The following TAB2 variants were observed in gnomAD, a reference collection of about 807,000 sequenced individuals.
The protein encoded by TAB2 is TGF-beta activated kinase 1 (MAP3K7) binding protein 2, also known as TGF-beta-activated kinase 1 and MAP3K7-binding protein 2.
Under a neutral mutation model 65.0 loss-of-function variants are expected in TAB2, and 3 were observed. The ratio of observed to expected loss-of-function variants is 0.05; its 90% CI spans 0.02 to 0.12. The LOEUF (loss-of-function observed/expected upper bound fraction) is 0.12. Ranked by LOEUF, TAB2 falls within the 10% of genes least tolerant of loss-of-function variation. TAB2 has a pLI of 1.00. For missense variants in TAB2, 623 were observed against 840.3 expected, an observed-to-expected ratio of 0.74 and a Z score of 3.20; for synonymous variants, 298 against 285.1, an observed-to-expected ratio of 1.05 and a Z score of -0.46.
At position 149,319,732 on chromosome 6, in the gene TAB2, AGT is replaced by A. The variant is rs530481068; in HGVS notation, c.-90+1718_-90+1719del. On this transcript the variant is annotated intron_variant, in intron 1 of 6. Coordinates refer to ENST00000637181, the MANE Select transcript of TAB2 (RefSeq NM_001292034.3). Reference sequence around the variant, plus strand: ...TGAATACGTCAATTATAGATGAATAAGTTATCCCCTGAATATACTCCATTATT... The same window carrying A: ...TGAATACGTCAATTATAGATGAATAATATCCCCTGAATATACTCCATTATT... 1.4e-3 allele frequency among the ~76,000 whole-genome samples: 207 copies of A among 152,368 alleles called. 2 individuals are homozygous for A. Among genetic ancestry groups the A allele is most frequent in the African/African-American group, 4.8e-3 (200 of 41,584 alleles).
At chr6:149,237,385 A>G (rs1014648152) in intron 1 of TAB2, among the ~76,000 whole-genome samples, 2 of 152,134 alleles carry the variant, frequency 1.3e-5, no homozygotes, top group Non-Finnish European at 2.9e-5. Context: ...GTCCCTGAAG[A>G]TGCAATGTGG....
At chr6:149,339,590 TTTATTTATTTATTTA>T (rs779476719) in intron 1 of TAB2, among the ~76,000 whole-genome samples, 1 of 13,208 alleles carries the variant, frequency 7.6e-5, no homozygotes. Context: ...ATCTTTTTTA[TTTATTTATTTATTTA>T]TTTTTTTTTT....
chr6:149,400,261 A>T, intron 6 of TAB2: 2 of 973,160 alleles, frequency 2.1e-6, no homozygotes, highest in Middle Eastern at 3.4e-4. Flanking sequence ...GGAGCCCAGG[A>T]TGTGCACGCA....
intron 1 of TAB2, among the ~76,000 whole-genome samples, chr6:149,299,831 C>CAT (rs1778939822): frequency 2.1e-5 from 3 of 144,952 alleles, no homozygotes; most frequent in African/African-American, 8.2e-5. Context: ...CAACATAGCA[C>CAT]AGTTCTACAA....
At chr6:149,227,181 G>A (rs943573219) in intron 1 of TAB2, among the ~76,000 whole-genome samples, 5 of 152,044 alleles carry the variant, frequency 3.3e-5, no homozygotes, top group Admixed American at 6.6e-5. Context: ...TTCTTTCCTG[G>A]TTATATGAAT....
chr6:149,250,734 A>AT (rs1299020825), intron 1 of TAB2, among the ~76,000 whole-genome samples: 1 of 152,146 alleles, frequency 6.6e-6, no homozygotes, highest in African/African-American at 2.4e-5. Flanking sequence ...CACACCGGCT[A>AT]TTTTTTACCA....
rs940518833 is a variant in TAB2, at chr6:149,404,309, C to T, written c.1939+5125C>T. On this transcript the variant is annotated intron_variant, in intron 6 of 6. Coordinates refer to ENST00000637181, the MANE Select transcript of TAB2 (RefSeq NM_001292034.3). ...TAAAGAAGACACAGATAAATAGAAA[C>T]GTAGCCTGTGTTTATGGATTGGAAG... 3.3e-5 allele frequency among the ~76,000 whole-genome samples: 5 copies of T among 152,058 alleles called. No homozygotes were observed. The East Asian group carries it at 5.8e-4, about 18-fold the overall frequency.
intron 1 of TAB2, among the ~76,000 whole-genome samples, chr6:149,274,153 C>T (rs1424101038): frequency 6.6e-6 from 1 of 152,200 alleles, no homozygotes; most frequent in Non-Finnish European, 1.5e-5. Flanking sequence ...GGCCCAGAAC[C>T]ATCAATTTTC....
intron 1 of TAB2, among the ~76,000 whole-genome samples, chr6:149,254,015 AAAG>A (rs1250420211): frequency 2.1e-5 from 3 of 144,386 alleles, no homozygotes; most frequent in Middle Eastern, 3.6e-3. Context: ...AGAAAGAAAG[AAAG>A]AAAGAAAAGA....
At chr6:149,371,438 G>C (rs1583133232) in intron 2 of TAB2, among the ~76,000 whole-genome samples, 1 of 152,244 alleles carries the variant, frequency 6.6e-6, no homozygotes, top group East Asian at 1.9e-4. Flanking sequence ...AGTCCTTCCT[G>C]TTCATACCCT....
rs768728365 is a variant in TAB2, at chr6:149,378,083, T to C, written c.168T>C (p.Gly56=). The C allele has an allele frequency of 7.4e-6, 12 of 1,614,044 alleles. No individual in the cohort carries two copies. The African/African-American group carries it at 1.5e-4, about 20-fold the overall frequency. The change falls in exon 3 of 7, where the codon GGT becomes GGC. Residue 56 remains glycine, a synonymous_variant. Coordinates refer to ENST00000637181, the MANE Select transcript of TAB2 (RefSeq NM_001292034.3). The part of the protein sequence containing the change: ...LSQESTRYLY[G]EGDLNFSDDS... ...AGGAGAGTACAAGATATCTTTATGG[T>C]GAAGGAGACTTGAATTTTTCAGATG...
chr6:149,346,588 G>A (rs1311936216), intron 1 of TAB2: 1 of 151,728 alleles, frequency 6.6e-6, no homozygotes, highest in Non-Finnish European at 1.5e-5. Flanking sequence ...CAAATAGCTG[G>A]GATTACAGGT....
chr6:149,351,494 G>A (rs147871319), intron 1 of TAB2, among the ~76,000 whole-genome samples: 481 of 152,252 alleles, frequency 3.2e-3, no homozygotes, highest in Non-Finnish European at 3.8e-3. Flanking sequence ...TCTTTGAGTT[G>A]TTTTCTCCAT....
At position 149,398,096 on chromosome 6, in the gene TAB2, C is replaced by T. The variant is rs759125817; in HGVS notation, c.1858+34C>T. On this transcript the variant is annotated intron_variant, in intron 5 of 6. Transcript: ENST00000637181. ...CAGTGTATTTGTAGCTGAAATTCAT[C>T]GTATTTAATTCACCAGCAGTTTTTC... The T allele has an allele frequency of 2.7e-5, 42 of 1,566,948 alleles. No individual in the cohort carries two copies. The Admixed American group carries it at 2.8e-4, about 11-fold the overall frequency.
chr6:149,254,017 AG>A (rs1777935541), intron 1 of TAB2, among the ~76,000 whole-genome samples: 1 of 150,248 alleles, frequency 6.7e-6, no homozygotes, highest in Non-Finnish European at 1.5e-5. Flanking sequence ...AAAGAAAGAA[AG>A]AAAGAAAAGA....
intron 1 of TAB2, among the ~76,000 whole-genome samples, chr6:149,329,318 A>G (rs1779714216): frequency 1.6e-5 from 2 of 125,814 alleles, no homozygotes; most frequent in African/African-American, 6.0e-5. Flanking sequence ...AATTAAGAAG[A>G]ATAGGTAATG....
intron 1 of TAB2, among the ~76,000 whole-genome samples, chr6:149,285,865 G>A (rs1030117567): frequency 3.3e-5 from 5 of 152,158 alleles, no homozygotes; most frequent in African/African-American, 1.2e-4. Flanking sequence ...TGATTCATGA[G>A]GTCATGGGGC....
chr6:149,339,097 G>A (rs1780021155), intron 1 of TAB2, among the ~76,000 whole-genome samples: 1 of 152,178 alleles, frequency 6.6e-6, no homozygotes, highest in Admixed American at 6.5e-5. Flanking sequence ...CGGGCACAGT[G>A]GCTCACGCCT....
chr6:149,402,914 T>C (rs1782485391), intron 6 of TAB2, among the ~76,000 whole-genome samples: 1 of 152,020 alleles, frequency 6.6e-6, no homozygotes, highest in Admixed American at 6.5e-5. Context: ...TAAAAAGCAT[T>C]TGAAAAAGTT....
Sources: gnomAD v4.1 joint callset for allele counts (sites outside exome capture counted in the v4.1 genomes callset) on GRCh38, gnomAD v4.1.1 for gene constraint, MANE v1.5 for transcripts, NCBI Gene and HGNC (gene_info 2026-07-23, HGNC 2026-07-21) for gene names.